Variants in HERPUD2 observed in about 807,000 individuals in gnomAD.
HERPUD2 encodes HERPUD family member 2.
Under a neutral mutation model 49.9 loss-of-function variants are expected in HERPUD2, and 13 were observed. That is an observed-to-expected ratio of 0.26 (90% CI 0.17 to 0.41). The LOEUF (loss-of-function observed/expected upper bound fraction) is 0.41, where lower values mean the gene tolerates loss of function less well. Ranked by LOEUF, HERPUD2 falls within the 10% of genes least tolerant of loss-of-function variation. The pLI, the probability that HERPUD2 is intolerant of heterozygous loss-of-function variation, is 1.00. For synonymous variants in HERPUD2, 172 were observed against 171.4 expected, an observed-to-expected ratio of 1.00 and a Z score of -0.03; for missense variants, 449 against 492.2, an observed-to-expected ratio of 0.91 and a Z score of 0.83.
chr7:35,686,810 GGGGGGGGGGGGTGGGGGGGT>G (rs199625909), intron 2 of HERPUD2, among the ~76,000 whole-genome samples: 9,983 of 23,914 alleles, frequency 0.42, 3,090 homozygotes, highest in Non-Finnish European at 0.52. Flanking sequence ...TGGGAGGCTG[GGGGGGGGGGGGTGGGGGGGT>G]GGGGGGGGGC....
chr7:35,638,837 T>C (rs1390272122), intron 5 of HERPUD2, among the ~76,000 whole-genome samples: 5 of 152,154 alleles, frequency 3.3e-5, no homozygotes, highest in Admixed American at 6.5e-5. Context: ...ATAAATTTCA[T>C]GACAAAATAT....
At position 35,644,749 on chromosome 7, in the gene HERPUD2, A is replaced by C. The variant is rs1785024534; in HGVS notation, c.495-6277T>G. ...ACCACTGCACTCTAGCCTGGGGGAA[A>C]CAGTGAGGCTCTGTCTCAACAAAAA... On this transcript the variant is annotated intron_variant, in intron 5 of 8. Transcript: ENST00000311350. Among the ~76,000 whole-genome samples, 3 of 152,316 alleles carry C rather than the reference A, an allele frequency of 2.0e-5. No individual in the cohort carries two copies. In the South Asian group the frequency reaches 6.2e-4, roughly 32 times the overall value.
intron 5 of HERPUD2, among the ~76,000 whole-genome samples, chr7:35,655,833 G>A (rs976004560): frequency 2.0e-5 from 3 of 152,160 alleles, no homozygotes; most frequent in African/African-American, 7.2e-5. Context: ...ACAAAAATCA[G>A]TAACATTTTT....
chr7:35,633,545 T>C lies in HERPUD2; in HGVS notation c.*145A>G, dbSNP rs1261900580. On this transcript the variant is annotated 3_prime_UTR_variant, in exon 9 of 9. Coordinates refer to ENST00000311350, the MANE Select transcript of HERPUD2 (RefSeq NM_022373.5). ...TAGTAGTCCATTCGTGCTTAAAATATTCATATGCATGAGAAGCCTAAAGAA... is the reference window on the plus strand; with the variant it reads ...TAGTAGTCCATTCGTGCTTAAAATACTCATATGCATGAGAAGCCTAAAGAA... 1 of 552,392 alleles carries C rather than the reference T, an allele frequency of 1.8e-6. No individual in the cohort carries two copies. Among genetic ancestry groups the C allele is most frequent in the African/African-American group, 2.0e-5 (1 of 51,208 alleles). 34.2% of individuals were successfully genotyped at this position (552,392 alleles called of 1,614,324 possible).
intron 7 of HERPUD2, 97 bp downstream of exon 7, chr7:35,635,038 T>C: frequency 1.2e-6 from 1 of 834,044 alleles, no homozygotes; most frequent in Non-Finnish European, 1.9e-6. Flanking sequence ...GCATTCATAT[T>C]CCTTCACTCA....
Position 35,638,402 on chromosome 7 carries a change from G to A in HERPUD2, c.565C>T (p.Leu189=). The change falls in exon 6 of 9, where the codon CTG becomes TTG. Residue 189 remains leucine, a synonymous_variant. Transcript: ENST00000311350. ...GFPVYPAFSP[L]QMLWWQQMYA... ...ATCTGTTGCCACCATAGCATCTGCA[G>A]TGGGCTAAACGCGGGATACACTGGG... 1 of 1,613,674 alleles carries A rather than the reference G, an allele frequency of 6.2e-7. No homozygotes were observed. The highest frequency in any genetic ancestry group is 8.5e-7 in the Non-Finnish European group (1 of 1,179,626).
intron 5 of HERPUD2, among the ~76,000 whole-genome samples, chr7:35,655,970 G>T (rs181236566): frequency 2.0e-5 from 3 of 152,212 alleles, no homozygotes; most frequent in Admixed American, 2.0e-4. Context: ...AGACCAGCCT[G>T]GCCATAATGG....
intron 5 of HERPUD2, among the ~76,000 whole-genome samples, chr7:35,660,032 C>G (rs1395576432): frequency 6.6e-6 from 1 of 152,142 alleles, no homozygotes; most frequent in African/African-American, 2.4e-5. Flanking sequence ...CCCCACTCCC[C>G]CAACCCCACA....
At chr7:35,679,259 G>A (rs1328964505) in intron 2 of HERPUD2, among the ~76,000 whole-genome samples, 4 of 152,102 alleles carry the variant, frequency 2.6e-5, no homozygotes, top group African/African-American at 9.7e-5. Flanking sequence ...AGAACTATGG[G>A]TCCCACGCAT....
Position 35,633,588 on chromosome 7 carries a change from A to G in HERPUD2, c.*102T>C. 9.6e-7 allele frequency: 1 copy of G among 1,045,064 alleles called. No individual in the cohort carries two copies. The highest frequency in any genetic ancestry group is 1.4e-6 in the Non-Finnish European group (1 of 715,360). 64.7% of individuals were successfully genotyped at this position (1,045,064 alleles called of 1,614,324 possible). On this transcript the variant is annotated 3_prime_UTR_variant, in exon 9 of 9. Coordinates refer to ENST00000311350, the MANE Select transcript of HERPUD2 (RefSeq NM_022373.5). The stretch of plus-strand genomic sequence containing the variant: ...CTAAAGAAAAAAAACACCTCTGTAC[A>G]TGATGATCAAAAGAAAGTTATAAAT...
intron 5 of HERPUD2, 136 bp from the exon 6 acceptor site, chr7:35,638,608 C>T: frequency 1.2e-6 from 1 of 828,672 alleles, no homozygotes; most frequent in Non-Finnish European, 1.8e-6. Context: ...TACTTACTTT[C>T]AACGATTCTT....
In HERPUD2 at chr7:35,674,945, T is replaced by C. The variant is rs145791779; in HGVS notation, c.148-1667A>G. Among the ~76,000 whole-genome samples the C allele has an allele frequency of 6.8e-3, 1,039 of 152,290 alleles. 11 individuals are homozygous for C. Among genetic ancestry groups the C allele is most frequent in the African/African-American group, 0.024 (989 of 41,572 alleles). On this transcript the variant is annotated intron_variant, in intron 2 of 8. Transcript: ENST00000311350. Reference sequence around the variant, plus strand: ...AATATCCTTTGTAAGTGAGCAAATGTAAGTAACATGTTTCCTTGAGTTCTG... The same window carrying C: ...AATATCCTTTGTAAGTGAGCAAATGCAAGTAACATGTTTCCTTGAGTTCTG...
At chr7:35,663,331 C>G (rs936582102) in intron 5 of HERPUD2, among the ~76,000 whole-genome samples, 1 of 152,078 alleles carries the variant, frequency 6.6e-6, no homozygotes, top group African/African-American at 2.4e-5. Flanking sequence ...ACTATGTGGT[C>G]AATTTTGGAG....
intron 5 of HERPUD2, among the ~76,000 whole-genome samples, chr7:35,663,653 G>C (rs1785476963): frequency 2.0e-5 from 3 of 152,314 alleles, no homozygotes; most frequent in Middle Eastern, 3.4e-3. Context: ...TTACCATTAT[G>C]TAATGGCCTT....
At chr7:35,674,451 AGAGAGAGAGAGAGG>A (rs1562682897) in intron 2 of HERPUD2, among the ~76,000 whole-genome samples, 2 of 120,954 alleles carry the variant, frequency 1.7e-5, no homozygotes, top group African/African-American at 3.1e-5. Context: ...AGAGAGAGAG[AGAGAGAGAGAGAGG>A]AGCACTGTGG....
At chr7:35,692,684 C>T (rs1444662413) in intron 2 of HERPUD2, among the ~76,000 whole-genome samples, 1 of 152,154 alleles carries the variant, frequency 6.6e-6, no homozygotes, top group Non-Finnish European at 1.5e-5. Context: ...TCACAAAGTA[C>T]TGATAAACAC....
intron 5 of HERPUD2, among the ~76,000 whole-genome samples, chr7:35,665,896 C>G (rs767476515): frequency 5.9e-5 from 9 of 152,116 alleles, no homozygotes; most frequent in Non-Finnish European, 1.2e-4. Context: ...ATCTTATAAG[C>G]TTGATTTGTT....
chr7:35,684,742 C>T (rs145407316), intron 2 of HERPUD2, among the ~76,000 whole-genome samples: 15 of 152,068 alleles, frequency 9.9e-5, no homozygotes, highest in African/African-American at 1.4e-4. Context: ...TGGGACTCAG[C>T]GGGAAAGGGT....
At position 35,694,314 on chromosome 7, in the gene HERPUD2, A is replaced by G. The variant is rs769105606; in HGVS notation, c.17T>C (p.Met6Thr). Reference sequence around the variant, plus strand: ...AATGATGAGGGTCACAGGAATCTCCATCCCACTTTGGTCCATGGTGCCCCC... The same window carrying G: ...AATGATGAGGGTCACAGGAATCTCCGTCCCACTTTGGTCCATGGTGCCCCC... MDQSG[M>T]EIPVTLIIKA... The change falls in exon 2 of 9, where the codon ATG (methionine) becomes ACG (threonine). Residue 6 changes from methionine to threonine, a missense_variant. Met to Thr is a moderately conservative substitution (Grantham distance 81). Coordinates refer to ENST00000311350, the MANE Select transcript of HERPUD2 (RefSeq NM_022373.5). 35 of 1,613,928 alleles carry G rather than the reference A, an allele frequency of 2.2e-5. No homozygotes were observed. In the East Asian group the frequency reaches 7.4e-4, roughly 34 times the overall value.
Sources: allele counts gnomAD v4.1 joint callset (sites outside exome capture counted in the v4.1 genomes callset), GRCh38; gene constraint gnomAD v4.1.1; transcripts MANE v1.5; gene names NCBI Gene and HGNC (gene_info 2026-07-23, HGNC 2026-07-21).